ELK3: variants seen among roughly 807,000 people sequenced by gnomAD.
ELK3 encodes the protein ETS transcription factor ELK3, also known as ETS domain-containing protein Elk-3.
A neutral mutation model predicts 28.9 loss-of-function variants in ELK3; 10 were observed. The ratio of observed to expected loss-of-function variants is 0.35; its 90% confidence interval spans 0.21 to 0.59. ELK3 has a LOEUF of 0.59. ELK3 is among the 20% of genes least tolerant of loss of function. The pLI is 0.82. For missense variants in ELK3, 463 were observed against 517.3 expected, an observed-to-expected ratio of 0.90 and a Z score of 1.02; for synonymous variants, 272 against 243.5, an observed-to-expected ratio of 1.12 and a Z score of -1.09.
At chr12:96,231,555 C>G (rs777414756) in intron 2 of ELK3, among the ~76,000 whole-genome samples, 1 of 152,184 alleles carries the variant, frequency 6.6e-6, no homozygotes, top group Non-Finnish European at 1.5e-5. Context: ...TGCAGTGGCG[C>G]GATCTCAGCT....
Position 96,259,803 on chromosome 12 carries a change from G to C in ELK3, c.1075G>C (p.Val359Leu). ...SIHFWSSLSPVAPLSPARLQG... is the reference protein window; with the variant it reads ...SIHFWSSLSPLAPLSPARLQG... ...ACATTTCTGGAGCAGCCTTAGTCCAGTTGCTCCGCTGAGTCCTGCCAGGCT... is the reference window on the plus strand; with the variant it reads ...ACATTTCTGGAGCAGCCTTAGTCCACTTGCTCCGCTGAGTCCTGCCAGGCT... The change falls in exon 4 of 5, where the codon GTT becomes CTT. Residue 359 changes from valine (V) to leucine (L), a missense_variant. This residue lies in a region of ELK3 where 408 missense variants were observed against 414.8 expected (regional missense o/e 0.98). Transcript: ENST00000228741. 5 of 1,610,312 alleles carry C rather than the reference G, an allele frequency of 3.1e-6. No homozygotes were observed. Among genetic ancestry groups the C allele is most frequent in the Non-Finnish European group, 4.2e-6 (5 of 1,178,930 alleles).
chr12:96,258,499 G>GA (rs1233473666), intron 3 of ELK3, among the ~76,000 whole-genome samples: 3 of 152,192 alleles, frequency 2.0e-5, no homozygotes, highest in Admixed American at 6.5e-5. Flanking sequence ...CCAATTCTAG[G>GA]AAAAAATAAC....
Position 96,199,703 on chromosome 12 carries a change from A to G in ELK3, c.-3+4998A>G, listed in dbSNP as rs190951652. Among the ~76,000 whole-genome samples, 221 of 152,330 alleles carry G rather than the reference A, an allele frequency of 1.5e-3. 2 individuals are homozygous for G. The highest frequency in any genetic ancestry group is 4.7e-3 in the African/African-American group (196 of 41,584). ...AAGTAAACTTTGAACTAGTCATTTC[A>G]ATAAATTGTGATTTGGTTTGAATTC... On this transcript the variant is annotated intron_variant, in intron 1 of 4. Coordinates refer to ENST00000228741, the MANE Select transcript of ELK3 (RefSeq NM_005230.4).
At chr12:96,203,666 C>T (rs959515935) in intron 1 of ELK3, among the ~76,000 whole-genome samples, 9 of 151,936 alleles carry the variant, frequency 5.9e-5, no homozygotes, top group African/African-American at 2.2e-4. Context: ...ACAGGCTGGG[C>T]GCGGTGGCTC....
intron 3 of ELK3, among the ~76,000 whole-genome samples, chr12:96,252,023 C>T (rs1416491190): frequency 2.6e-5 from 4 of 152,218 alleles, no homozygotes; most frequent in African/African-American, 9.6e-5. Flanking sequence ...AAGAGAAGTC[C>T]ATGCCTGGCT....
chr12:96,228,444 A>AAAAAAAAAAG (rs1951720217), intron 2 of ELK3, among the ~76,000 whole-genome samples: 10 of 142,632 alleles, frequency 7.0e-5, no homozygotes, highest in African/African-American at 2.1e-4. Flanking sequence ...AAAAAAAAAA[A>AAAAAAAAAAG]GAAGATCAAA....
At chr12:96,258,489 C>T (rs766546719) in intron 3 of ELK3, among the ~76,000 whole-genome samples, 1 of 152,120 alleles carries the variant, frequency 6.6e-6, no homozygotes, top group African/African-American at 2.4e-5. Flanking sequence ...GCTACGGAGG[C>T]CAATTCTAGG....
At chr12:96,210,517 G>T (rs1378992410) in intron 1 of ELK3, among the ~76,000 whole-genome samples, 2 of 150,876 alleles carry the variant, frequency 1.3e-5, no homozygotes, top group African/African-American at 2.4e-5. Context: ...GCTCACTTCT[G>T]TTTCCTCTGA....
At chr12:96,264,554 G>A (rs1169476066) in intron 4 of ELK3, among the ~76,000 whole-genome samples, 1 of 152,104 alleles carries the variant, frequency 6.6e-6, no homozygotes, top group Non-Finnish European at 1.5e-5. Flanking sequence ...AGGGTGACAT[G>A]GGTGGATCAC....
At chr12:96,248,739 C>T (rs763542954) in intron 3 of ELK3, among the ~76,000 whole-genome samples, 2 of 152,168 alleles carry the variant, frequency 1.3e-5, no homozygotes, top group South Asian at 2.1e-4. Flanking sequence ...TAGCAGCAGC[C>T]GCGGCAGCAT....
chr12:96,247,599 A>T lies in ELK3; in HGVS notation c.867A>T (p.Pro289=). The change falls in exon 3 of 5, where the codon CCA becomes CCT. Residue 289 remains proline, a synonymous_variant. Coordinates refer to ENST00000228741, the MANE Select transcript of ELK3 (RefSeq NM_005230.4). The surrounding 1 kb of genome is among the most constrained non-coding windows in gnomAD (Gnocchi z 5.5). ...AGACCAAGTCTCCATCTCTTCCCCCAAAGGCCAAAAAACCCAAAGGCTTGG... is the reference window on the plus strand; with the variant it reads ...AGACCAAGTCTCCATCTCTTCCCCCTAAGGCCAAAAAACCCAAAGGCTTGG... The part of the protein sequence containing the change: ...GSKTKSPSLP[P]KAKKPKGLEI... The T allele has an allele frequency of 6.2e-7, 1 of 1,613,614 alleles. No individual in the cohort carries two copies. The highest frequency in any genetic ancestry group is 2.2e-5 in the East Asian group (1 of 44,840).
intron 2 of ELK3, among the ~76,000 whole-genome samples, chr12:96,242,994 C>T (rs867953672): frequency 2.0e-5 from 3 of 152,302 alleles, no homozygotes; most frequent in Middle Eastern, 6.8e-3. Flanking sequence ...TCTCTGCTCC[C>T]CCAGCAGAGG....
intron 3 of ELK3, among the ~76,000 whole-genome samples, chr12:96,259,503 G>A (rs1194886533): frequency 1.3e-5 from 2 of 152,152 alleles, no homozygotes; most frequent in East Asian, 1.9e-4. Flanking sequence ...CCAAGATCGC[G>A]CCATTGCACT....
chr12:96,261,259 A>T (rs1373304383), intron 4 of ELK3, among the ~76,000 whole-genome samples: 1 of 152,038 alleles, frequency 6.6e-6, no homozygotes, highest in Admixed American at 6.6e-5. Context: ...TCATGAAGTG[A>T]CCATATCCTT....
At chr12:96,250,371 G>A (rs970231175) in intron 3 of ELK3, among the ~76,000 whole-genome samples, 2 of 152,178 alleles carry the variant, frequency 1.3e-5, no homozygotes, top group African/African-American at 2.4e-5. Context: ...TCTTGCAGCC[G>A]GTTTCACCCA....
chr12:96,264,530 C>G (rs1952015283), intron 4 of ELK3, among the ~76,000 whole-genome samples: 1 of 152,132 alleles, frequency 6.6e-6, no homozygotes, highest in South Asian at 2.1e-4. Flanking sequence ...TGCCTGTAAT[C>G]CCAGCACTTT....
chr12:96,264,525 G>A (rs1336986351), intron 4 of ELK3, among the ~76,000 whole-genome samples: 4 of 152,188 alleles, frequency 2.6e-5, no homozygotes, highest in South Asian at 2.1e-4. Flanking sequence ...GTTCATGCCT[G>A]TAATCCCAGC....
chr12:96,198,902 G>A (rs1274437193), intron 1 of ELK3, among the ~76,000 whole-genome samples: 2 of 152,262 alleles, frequency 1.3e-5, no homozygotes, highest in East Asian at 1.9e-4. Context: ...TACCGAGACC[G>A]AAATTATCAC....
At chr12:96,200,827 T>C (rs1388357266) in intron 1 of ELK3, among the ~76,000 whole-genome samples, 1 of 151,960 alleles carries the variant, frequency 6.6e-6, no homozygotes, top group Non-Finnish European at 1.5e-5. Context: ...CATGCCTGGC[T>C]AATTTTTGTA....
Sources: gnomAD v4.1 joint callset for allele counts (sites outside exome capture counted in the v4.1 genomes callset) on GRCh38, gnomAD v4.1.1 for gene constraint, gnomAD v4.1.1 regional missense constraint, Gnocchi (gnomAD v3.1) non-coding constraint, MANE v1.5 for transcripts, NCBI Gene and HGNC (gene_info 2026-07-23, HGNC 2026-07-21) for gene names.